Variants in KANK4 observed in about 807,000 individuals in gnomAD.
The protein encoded by KANK4 is KN motif and ankyrin repeat domain-containing protein 4.
A neutral mutation model predicts 80.8 loss-of-function variants in KANK4; 50 were observed. That is an observed-to-expected ratio of 0.62 (90% CI 0.49 to 0.78). The LOEUF (loss-of-function observed/expected upper bound fraction) is 0.78, where lower values mean the gene tolerates loss of function less well. Ranked by LOEUF, KANK4 falls within the 30% of genes least tolerant of loss-of-function variation. The pLI is 0.00. For missense variants in KANK4, 1,196 were observed against 1,240.1 expected, an observed-to-expected ratio of 0.96 and a Z score of 0.53; for synonymous variants, 465 against 506.9, an observed-to-expected ratio of 0.92 and a Z score of 1.11.
chr1:62,295,413 C>A (rs1644354704), intron 1 of KANK4, among the ~76,000 whole-genome samples: 1 of 152,202 alleles, frequency 6.6e-6, no homozygotes, highest in South Asian at 2.1e-4. Context: ...CCGCCTTGGC[C>A]TCCCACAGTG....
intron 1 of KANK4, among the ~76,000 whole-genome samples, chr1:62,301,188 A>G (rs74076479): frequency 0.069 from 10,461 of 152,144 alleles, 1,011 homozygotes; most frequent in African/African-American, 0.22. Flanking sequence ...ACGGAGCACA[A>G]GAGCTGGACA....
At chr1:62,305,358 G>A (rs1644442668) in intron 1 of KANK4, among the ~76,000 whole-genome samples, 1 of 152,144 alleles carries the variant, frequency 6.6e-6, no homozygotes, top group African/African-American at 2.4e-5. Flanking sequence ...GCCCAGGCTG[G>A]AGTGAAATGG....
At chr1:62,280,529 C>T (rs1352646042) in intron 2 of KANK4, among the ~76,000 whole-genome samples, 2 of 152,172 alleles carry the variant, frequency 1.3e-5, no homozygotes, top group Admixed American at 6.5e-5. Context: ...TGTCAGGTCC[C>T]TAAGTCCCGT....
intron 2 of KANK4, among the ~76,000 whole-genome samples, chr1:62,275,854 GAGGGAGGAAGGA>G (rs140101882): frequency 0.36 from 46,740 of 128,306 alleles, 9,576 homozygotes; most frequent in African/African-American, 0.49. Flanking sequence ...GGGAGGGAGG[GAGGGAGGAAGGA>G]AGGGAGGAAG....
At chr1:62,268,905 T>C (rs6695520) in intron 4 of KANK4, among the ~76,000 whole-genome samples, 62,009 of 151,984 alleles carry the variant, frequency 0.41, 12,822 homozygotes, top group South Asian at 0.55. Flanking sequence ...GGCCCAACTC[T>C]AGCCAAACAT....
At chr1:62,256,627 C>T (rs1671758495) in intron 7 of KANK4, among the ~76,000 whole-genome samples, 2 of 152,056 alleles carry the variant, frequency 1.3e-5, no homozygotes. Context: ...AGGTGATCCG[C>T]GCACCTCGGC....
intron 1 of KANK4, among the ~76,000 whole-genome samples, chr1:62,283,294 C>T (rs1390486754): frequency 6.6e-6 from 1 of 152,152 alleles, no homozygotes; most frequent in Non-Finnish European, 1.5e-5. Flanking sequence ...GCTGGGAGTA[C>T]TTGACATTCA....
At chr1:62,278,842 C>G (rs562499943) in intron 2 of KANK4, among the ~76,000 whole-genome samples, 1 of 152,194 alleles carries the variant, frequency 6.6e-6, no homozygotes, top group East Asian at 1.9e-4. Context: ...ACTCTTAGAC[C>G]TACTGGTCTG....
Position 62,274,371 on chromosome 1 carries a change from G to C in KANK4, c.733C>G (p.Leu245Val). The change falls in exon 3 of 10, where the codon CTC becomes GTC. Residue 245 changes from leucine (L) to valine (V), a missense_variant. By Grantham distance (32) the Leu-to-Val change is conservative (BLOSUM62 1). Coordinates refer to ENST00000371153, the MANE Select transcript of KANK4 (RefSeq NM_181712.5). ...GAGAAAGGAGGGCCTGGGAGAGGGA[G>C]GTGATTTGGAACCTTCACCACACCC... ...PEGVVKVPNH[L>V]PLPGPPFSFQ... 1.2e-6 allele frequency: 2 copies of C among 1,614,140 alleles called. No individual in the cohort carries two copies. Among genetic ancestry groups the C allele is most frequent in the African/African-American group, 1.3e-5 (1 of 75,032 alleles).
chr1:62,274,361 G>C lies in KANK4; in HGVS notation c.743C>G (p.Pro248Arg). The change falls in exon 3 of 10, where the codon CCA (proline) becomes CGA (arginine). Residue 248 changes from proline (P) to arginine (R), a missense_variant. Coordinates refer to ENST00000371153, the MANE Select transcript of KANK4 (RefSeq NM_181712.5). ...VVKVPNHLPL[P>R]GPPFSFQNVL... ...ATTCTGGAATGAGAAAGGAGGGCCT[G>C]GGAGAGGGAGGTGATTTGGAACCTT... 1 of 1,614,158 alleles carries C rather than the reference G, an allele frequency of 6.2e-7. No individual in the cohort carries two copies. Among genetic ancestry groups the C allele is most frequent in the Non-Finnish European group, 8.5e-7 (1 of 1,180,024 alleles).
chr1:62,274,113 T>C lies in KANK4; in HGVS notation c.991A>G (p.Ser331Gly). Residue 331 changes from serine to glycine, a missense_variant, in exon 3 of 10, where the codon AGC becomes GGC. Around this residue, in one of 3 missense-constraint regions of KANK4, gnomAD observed 1,154 missense variants for 1,179.6 expected, o/e 0.98. Coordinates refer to ENST00000371153, the MANE Select transcript of KANK4 (RefSeq NM_181712.5). ...RSIGIRVTEE[S>G]LGLARVDPGS... is the part of the protein sequence containing the mutation. ...GGATCCACCCTGGCAAGGCCCAGGC[T>C]TTCCTCAGTTACCCTGATGCCAATG... The C allele has an allele frequency of 1.2e-6, 2 of 1,614,178 alleles. No homozygotes were observed. The highest frequency in any genetic ancestry group is 1.7e-6 in the Non-Finnish European group (2 of 1,180,028).
intron 1 of KANK4, among the ~76,000 whole-genome samples, chr1:62,283,106 T>C (rs1672486696): frequency 6.6e-6 from 1 of 152,150 alleles, no homozygotes; most frequent in Non-Finnish European, 1.5e-5. Flanking sequence ...CCACCCCAGC[T>C]CTGCAGTCTG....
intron 4 of KANK4, among the ~76,000 whole-genome samples, chr1:62,269,531 G>A (rs955368870): frequency 5.3e-5 from 8 of 152,168 alleles, no homozygotes; most frequent in Non-Finnish European, 1.2e-4. Context: ...TCATGTTTGT[G>A]ATTAAGAGAG....
At chr1:62,248,762 C>T (rs1304039305) in intron 8 of KANK4, among the ~76,000 whole-genome samples, 1 of 149,128 alleles carries the variant, frequency 6.7e-6, no homozygotes, top group Non-Finnish European at 1.5e-5. Context: ...CCAGGCTGGT[C>T]TTGAACTCCT....
intron 4 of KANK4, among the ~76,000 whole-genome samples, chr1:62,271,124 T>C (rs1404673658): frequency 6.6e-6 from 1 of 152,108 alleles, no homozygotes; most frequent in Non-Finnish European, 1.5e-5. Context: ...ATGGATGAAA[T>C]TTGAAGTTCC....
intron 3 of KANK4, among the ~76,000 whole-genome samples, chr1:62,272,966 T>C (rs555684457): frequency 1.3e-5 from 2 of 152,014 alleles, no homozygotes; most frequent in East Asian, 1.9e-4. Flanking sequence ...AATTTTTGTA[T>C]TTTTAGTAGA....
At chr1:62,254,630 T>C (rs1671707158) in intron 7 of KANK4, among the ~76,000 whole-genome samples, 2 of 152,080 alleles carry the variant, frequency 1.3e-5, no homozygotes, top group South Asian at 4.2e-4. Context: ...CTCGGCTCAC[T>C]GCAACCTCCG....
chr1:62,293,104 G>A (rs551417795), intron 1 of KANK4, among the ~76,000 whole-genome samples: 100 of 144,198 alleles, frequency 6.9e-4, no homozygotes, highest in African/African-American at 2.5e-3. Context: ...GTGTGTGTGT[G>A]TGAGACAGAG....
At chr1:62,288,162 C>T (rs763645338) in intron 1 of KANK4, among the ~76,000 whole-genome samples, 30 of 152,134 alleles carry the variant, frequency 2.0e-4, no homozygotes, top group Non-Finnish European at 3.2e-4. Flanking sequence ...CCACACAGAC[C>T]ATCTCCTGAA....
Sources: gnomAD v4.1 joint callset for allele counts (sites outside exome capture counted in the v4.1 genomes callset) on GRCh38, gnomAD v4.1.1 for gene constraint, gnomAD v4.1.1 regional missense constraint, MANE v1.5 for transcripts, NCBI Gene and HGNC (gene_info 2026-07-23, HGNC 2026-07-21) for gene names.